KIF6: variants seen among roughly 807,000 people sequenced by gnomAD.
The protein encoded by KIF6 is kinesin-like protein KIF6.
Under a neutral mutation model 112.7 loss-of-function variants are expected in KIF6, and 106 were observed. The ratio of observed to expected loss-of-function variants is 0.94; its 90% confidence interval spans 0.80 to 1.11. The LOEUF is 1.11. Ranked by LOEUF, KIF6 falls within the 50% of genes least tolerant of loss-of-function variation. KIF6 has a pLI of 0.00. For missense variants in KIF6, 929 were observed against 964.0 expected (o/e 0.96, Z 0.48); for synonymous variants, 339 against 339.9 (o/e 1.00, Z 0.03).
chr6:39,578,269 G>T, intron 9 of KIF6, 110 bp from the exon 10 acceptor site: 5 of 703,916 alleles, frequency 7.1e-6, no homozygotes, highest in South Asian at 1.7e-5. Flanking sequence ...ACACAAAAAT[G>T]GGTAATGGTA....
chr6:39,591,994 C>T (rs998513569), intron 7 of KIF6, among the ~76,000 whole-genome samples: 2 of 152,104 alleles, frequency 1.3e-5, no homozygotes, highest in African/African-American at 4.8e-5. Flanking sequence ...CGCCTGTAGT[C>T]CCAGCTACTC....
At chr6:39,637,065 T>A (rs1299774941) in intron 4 of KIF6, among the ~76,000 whole-genome samples, 2 of 152,098 alleles carry the variant, frequency 1.3e-5, no homozygotes, top group Non-Finnish European at 2.9e-5. Context: ...TTGTTTTTAT[T>A]ATTATTTCTA....
At chr6:39,600,757 T>C (rs568670555) in intron 6 of KIF6, among the ~76,000 whole-genome samples, 2 of 152,302 alleles carry the variant, frequency 1.3e-5, no homozygotes, top group Admixed American at 1.3e-4. Flanking sequence ...GCTCAAATCC[T>C]CATTGCATAG....
At chr6:39,403,338 C>T (rs1768845893) in intron 15 of KIF6, among the ~76,000 whole-genome samples, 1 of 152,166 alleles carries the variant, frequency 6.6e-6, no homozygotes, top group Non-Finnish European at 1.5e-5. Flanking sequence ...GACTCACACC[C>T]TTCTCCCACC....
rs1355118818 is a variant in KIF6 at position 39,584,389 on chromosome 6, C to CACTCCA, written c.1077+503_1077+508dup. ...GCCAAGATTGCACCACTGCACTCCA[C>CACTCCA]ACTCCAGCCTGAGCAAGACTCTGTC... On this transcript the variant is annotated intron_variant, in intron 9 of 22. Coordinates refer to ENST00000287152, the MANE Select transcript of KIF6 (RefSeq NM_145027.6). Among the ~76,000 whole-genome samples the CACTCCA allele has an allele frequency of 2.5e-5, 3 of 119,916 alleles. No individual in the cohort carries two copies. The East Asian group carries it at 7.8e-4, about 31-fold the overall frequency. The allele number at this position is 119,916 out of a possible 152,430, so 78.7% of individuals were successfully genotyped here. A position where few individuals can be genotyped will look rare whatever the true frequency, so the allele number is the denominator to read the frequency against.
intron 10 of KIF6, among the ~76,000 whole-genome samples, chr6:39,573,965 T>C (rs527413041): frequency 3.4e-4 from 52 of 152,312 alleles, no homozygotes; most frequent in South Asian, 2.1e-4. Context: ...ACAAATAAAC[T>C]AATTGCACAA....
intron 19 of KIF6, among the ~76,000 whole-genome samples, chr6:39,356,446 A>T (rs1764696097): frequency 6.6e-6 from 1 of 151,934 alleles, no homozygotes; most frequent in Admixed American, 6.6e-5. Context: ...TTGTATTTTT[A>T]GTAGAGACAG....
chr6:39,486,014 GT>G (rs1355189800), intron 13 of KIF6, among the ~76,000 whole-genome samples: 1 of 152,166 alleles, frequency 6.6e-6, no homozygotes, highest in Non-Finnish European at 1.5e-5. Context: ...AATTCAGACA[GT>G]CAGCCTCCAG....
chr6:39,609,963 G>A (rs959061234), intron 6 of KIF6, among the ~76,000 whole-genome samples: 1 of 152,162 alleles, frequency 6.6e-6, no homozygotes, highest in Non-Finnish European at 1.5e-5. Flanking sequence ...GTTTTCCTAG[G>A]ACCATACTTG....
chr6:39,562,090 T>A (rs1780037357), intron 10 of KIF6, among the ~76,000 whole-genome samples: 1 of 152,246 alleles, frequency 6.6e-6, no homozygotes, highest in Admixed American at 6.5e-5. Context: ...CCTGTGTTTC[T>A]TAGTAACAAC....
intron 3 of KIF6, among the ~76,000 whole-genome samples, chr6:39,643,082 A>C (rs919808098): frequency 6.6e-6 from 1 of 152,146 alleles, no homozygotes; most frequent in African/African-American, 2.4e-5. Flanking sequence ...TTTCTTCTTC[A>C]TTTTTGAGAA....
chr6:39,408,335 C>T (rs575387800), intron 15 of KIF6, among the ~76,000 whole-genome samples: 1 of 152,272 alleles, frequency 6.6e-6, no homozygotes, highest in South Asian at 2.1e-4. Flanking sequence ...GTTAAAAATA[C>T]ACGTATACTG....
intron 13 of KIF6, among the ~76,000 whole-genome samples, chr6:39,504,628 G>A (rs1419301537): frequency 6.6e-6 from 1 of 152,172 alleles, no homozygotes; most frequent in Non-Finnish European, 1.5e-5. Flanking sequence ...AGCTTCTTAA[G>A]CTGGTAAGCA....
intron 15 of KIF6, among the ~76,000 whole-genome samples, chr6:39,419,353 C>A (rs868705613): frequency 9.3e-3 from 680 of 73,496 alleles, no homozygotes; most frequent in African/African-American, 0.023. Flanking sequence ...GACTCTGTCT[C>A]AAAAAAAAAA....
intron 13 of KIF6, among the ~76,000 whole-genome samples, chr6:39,472,405 T>C (rs1774171257): frequency 6.6e-6 from 1 of 152,196 alleles, no homozygotes; most frequent in Admixed American, 6.5e-5. Flanking sequence ...TGGCAAATAA[T>C]GAATGACTCC....
chr6:39,570,215 A>G (rs1780568067), intron 10 of KIF6, among the ~76,000 whole-genome samples: 1 of 152,230 alleles, frequency 6.6e-6, no homozygotes, highest in South Asian at 2.1e-4. Flanking sequence ...GAAAAAGGAC[A>G]GAACCACAAG....
intron 13 of KIF6, among the ~76,000 whole-genome samples, chr6:39,460,546 A>AAAAAAAAAAAAAAAAAAAAT: frequency 6.7e-6 from 1 of 149,368 alleles, no homozygotes; most frequent in Non-Finnish European, 1.5e-5. Flanking sequence ...TAAAAAAAAA[A>AAAAAAAAAAAAAAAAAAAAT]AAAAAAAAAA....
intron 3 of KIF6, 88 bp downstream of exon 3, chr6:39,714,604 A>T: frequency 1.2e-6 from 1 of 815,838 alleles, no homozygotes; most frequent in Non-Finnish European, 2.1e-6. Flanking sequence ...TATAATTGAT[A>T]CACTTAAGCA....
chr6:39,470,520 G>T (rs370680549), intron 13 of KIF6, among the ~76,000 whole-genome samples: 1 of 152,298 alleles, frequency 6.6e-6, no homozygotes, highest in East Asian at 1.9e-4. Flanking sequence ...GATTATCTAA[G>T]AAGGATGCCT....
Sources: allele counts gnomAD v4.1 joint callset (sites outside exome capture counted in the v4.1 genomes callset), GRCh38; gene constraint gnomAD v4.1.1; transcripts MANE v1.5; gene names NCBI Gene and HGNC (gene_info 2026-07-23, HGNC 2026-07-21).